The following CAMK1D variants were observed in gnomAD, a reference collection of about 807,000 sequenced individuals.
CAMK1D encodes the protein calcium/calmodulin-dependent protein kinase type 1D.
In CAMK1D, 9 loss-of-function variants were observed where a neutral mutation model predicts 47.7. The observed-to-expected ratio is 0.19, with a 90% CI of 0.11 to 0.33. The LOEUF (loss-of-function observed/expected upper bound fraction) is 0.33, where lower values mean the gene tolerates loss of function less well. Ranked by LOEUF, CAMK1D falls within the 10% of genes least tolerant of loss-of-function variation. The pLI, the probability that CAMK1D is intolerant of heterozygous loss-of-function variation, is 1.00. For synonymous variants in CAMK1D, 184 were observed against 184.9 expected (o/e 0.99, Z 0.04); for missense variants, 291 against 488.7 (o/e 0.60, Z 3.81).
intron 5 of CAMK1D, among the ~76,000 whole-genome samples, chr10:12,777,631 C>T (rs1837317021): frequency 1.3e-5 from 2 of 152,152 alleles, no homozygotes; most frequent in South Asian, 2.1e-4. Context: ...GTCTCGGCCT[C>T]CCAGAGTGCT....
chr10:12,825,435 C>A, intron 9 of CAMK1D, 138 bp from the exon 10 acceptor site: 2 of 751,046 alleles, frequency 2.7e-6, no homozygotes, highest in Non-Finnish European at 4.1e-6. Context: ...ACAACATAAG[C>A]TTTCCTTCTT....
intron 3 of CAMK1D, among the ~76,000 whole-genome samples, chr10:12,692,804 T>C (rs1022932020): frequency 2.6e-5 from 4 of 152,334 alleles, no homozygotes; most frequent in East Asian, 1.9e-4. Context: ...AAGAAATTCA[T>C]TGATTCTCTG....
At chr10:12,521,949 TTA>T (rs1156265318) in intron 1 of CAMK1D, among the ~76,000 whole-genome samples, 2 of 151,224 alleles carry the variant, frequency 1.3e-5, no homozygotes, top group Non-Finnish European at 1.5e-5. Context: ...TTAACTGACC[TTA>T]TATATATATC....
intron 1 of CAMK1D, among the ~76,000 whole-genome samples, chr10:12,428,973 C>T (rs796885478): frequency 2.0e-5 from 3 of 152,188 alleles, no homozygotes; most frequent in South Asian, 2.1e-4. Flanking sequence ...AGCCTCCAAC[C>T]GTGGGAAGTC....
At chr10:12,671,427 G>A (rs755509058) in intron 3 of CAMK1D, among the ~76,000 whole-genome samples, 18 of 151,346 alleles carry the variant, frequency 1.2e-4, no homozygotes, top group South Asian at 6.3e-4. Flanking sequence ...CATGAGCAAC[G>A]TATGGGGATT....
chr10:12,392,684 A>AT (rs1400288789), intron 1 of CAMK1D, among the ~76,000 whole-genome samples: 6 of 152,092 alleles, frequency 3.9e-5, no homozygotes, highest in Admixed American at 2.0e-4. Context: ...TGTCTTAGCA[A>AT]TTTTTGAGAG....
chr10:12,612,264 G>A (rs1838651036), intron 2 of CAMK1D, among the ~76,000 whole-genome samples: 1 of 152,078 alleles, frequency 6.6e-6, no homozygotes, highest in Non-Finnish European at 1.5e-5. Flanking sequence ...AACTTCGGAG[G>A]GAGAGGGAAG....
At chr10:12,483,455 C>A (rs990013858) in intron 1 of CAMK1D, among the ~76,000 whole-genome samples, 1 of 152,128 alleles carries the variant, frequency 6.6e-6, no homozygotes, top group Non-Finnish European at 1.5e-5. Flanking sequence ...CCCGCCTTTG[C>A]GTCCCAAAGT....
intron 1 of CAMK1D, among the ~76,000 whole-genome samples, chr10:12,446,196 A>C (rs1282457660): frequency 6.6e-6 from 1 of 152,190 alleles, no homozygotes; most frequent in Non-Finnish European, 1.5e-5. Context: ...AGTGCAAGCA[A>C]GTTTATTAAG....
intron 2 of CAMK1D, among the ~76,000 whole-genome samples, chr10:12,591,221 T>C (rs1837984745): frequency 6.6e-6 from 1 of 152,148 alleles, no homozygotes; most frequent in Non-Finnish European, 1.5e-5. Context: ...AGTTCTGACT[T>C]CCAGTCTGCA....
chr10:12,598,601 C>T (rs1209451653), intron 2 of CAMK1D, among the ~76,000 whole-genome samples: 1 of 152,168 alleles, frequency 6.6e-6, no homozygotes, highest in Non-Finnish European at 1.5e-5. Context: ...ATGCTCTTTT[C>T]AGTCTGACAA....
intron 3 of CAMK1D, among the ~76,000 whole-genome samples, chr10:12,681,958 G>T (rs542696548): frequency 6.6e-6 from 1 of 152,200 alleles, no homozygotes; most frequent in Non-Finnish European, 1.5e-5. Context: ...GGTGGCTCAC[G>T]CCTGTAATCC....
chr10:12,586,678 C>A (rs912438969), intron 2 of CAMK1D, among the ~76,000 whole-genome samples: 3 of 152,052 alleles, frequency 2.0e-5, no homozygotes, highest in Non-Finnish European at 2.9e-5. Context: ...CTGCTGCCCC[C>A]TCACCAGACC....
chr10:12,521,116 C>T (rs1436605985), intron 1 of CAMK1D, among the ~76,000 whole-genome samples: 2 of 152,140 alleles, frequency 1.3e-5, no homozygotes, highest in Non-Finnish European at 2.9e-5. Flanking sequence ...TTTTCAATTT[C>T]ATTGATTCCT....
rs906458659 is a variant in CAMK1D, at chr10:12,468,913, T to C, written c.93-84312T>C. 3.3e-5 allele frequency among the ~76,000 whole-genome samples: 5 copies of C among 152,176 alleles called. No homozygotes were observed. In the South Asian group the frequency reaches 1.0e-3, roughly 32 times the overall value. On this transcript the variant is annotated intron_variant, in intron 1 of 10. Transcript: ENST00000619168. ...AGCAAATAATTAGGTCTTGGAGGGCTGGGGGTGCTTCTTTTTATTCATTAT... is the reference window on the plus strand; with the variant it reads ...AGCAAATAATTAGGTCTTGGAGGGCCGGGGGTGCTTCTTTTTATTCATTAT...
At chr10:12,372,081 A>G (rs1025258103) in intron 1 of CAMK1D, among the ~76,000 whole-genome samples, 2 of 152,208 alleles carry the variant, frequency 1.3e-5, no homozygotes, top group African/African-American at 4.8e-5. Context: ...GTGCCATCAC[A>G]TGCTGTACAG....
At chr10:12,531,966 A>G (rs1268346726) in intron 1 of CAMK1D, among the ~76,000 whole-genome samples, 2 of 152,230 alleles carry the variant, frequency 1.3e-5, no homozygotes, top group Non-Finnish European at 2.9e-5. Context: ...ATTCTCTCAT[A>G]GTAAATTTCT....
rs1838592199 is a variant in CAMK1D, at chr10:12,610,644, C to T, written c.225-56092C>T. 2.6e-5 allele frequency among the ~76,000 whole-genome samples: 4 copies of T among 152,302 alleles called. No individual in the cohort carries two copies. In the South Asian group the frequency reaches 8.3e-4, roughly 32 times the overall value. On this transcript the variant is annotated intron_variant, in intron 2 of 10. Transcript: ENST00000619168. ...ACCAACTGAGACAAGTGCTCAGGTC[C>T]ACTTGTCAGGGACGGTCTTCACAGT... is the stretch of plus-strand genomic sequence containing the variant.
chr10:12,760,001 TTC>T (rs1446595211), intron 3 of CAMK1D, among the ~76,000 whole-genome samples: 1 of 151,302 alleles, frequency 6.6e-6, no homozygotes, highest in Non-Finnish European at 1.5e-5. Context: ...TGAAAAATGT[TTC>T]TTTCTTTTTT....
Sources: allele counts gnomAD v4.1 joint callset (sites outside exome capture counted in the v4.1 genomes callset), GRCh38; gene constraint gnomAD v4.1.1; transcripts MANE v1.5; gene names NCBI Gene and HGNC (gene_info 2026-07-23, HGNC 2026-07-21).